The following SLC14A2 variants were observed in gnomAD, a reference collection of about 807,000 sequenced individuals.
The protein encoded by SLC14A2 is urea transporter 2.
In SLC14A2, 91 loss-of-function variants were observed where a neutral mutation model predicts 104.6. The observed-to-expected ratio is 0.87, with a 90% CI of 0.73 to 1.04. The LOEUF (loss-of-function observed/expected upper bound fraction) is 1.04, where lower values mean the gene tolerates loss of function less well. Among genes scored for constraint, SLC14A2 ranks in the 50% least tolerant of loss-of-function variants. The pLI is 0.00. For missense variants in SLC14A2, 1,189 were observed against 1,156.0 expected (o/e 1.03, Z -0.41); for synonymous variants, 476 against 466.4 (o/e 1.02, Z -0.27).
chr18:45,545,666 T>C (rs2043958609), intron 2 of SLC14A2, among the ~76,000 whole-genome samples: 1 of 152,244 alleles, frequency 6.6e-6, no homozygotes, highest in South Asian at 2.1e-4. Context: ...TAGATCATGC[T>C]ACACTTGGTA....
chr18:45,641,062 C>T (rs896479071), intron 7 of SLC14A2, 147 bp from the exon 8 acceptor site: 1 of 719,546 alleles, frequency 1.4e-6, no homozygotes, highest in African/African-American at 1.8e-5. Flanking sequence ...GACCGGATGC[C>T]ATTTGTAGAG....
chr18:45,296,980 G>A (rs1475479245), intron 1 of SLC14A2, among the ~76,000 whole-genome samples: 3 of 152,176 alleles, frequency 2.0e-5, no homozygotes, highest in African/African-American at 4.8e-5. Flanking sequence ...GAAGCCAGAT[G>A]TGAGACCCTC....
intron 1 of SLC14A2, among the ~76,000 whole-genome samples, chr18:45,351,406 G>A (rs909320353): frequency 6.6e-6 from 1 of 152,098 alleles, no homozygotes; most frequent in Non-Finnish European, 1.5e-5. Context: ...TCCAACTGGT[G>A]TTCAGTGGTG....
Position 45,412,553 on chromosome 18 carries a change from C to T in SLC14A2, c.-124-70680C>T, listed in dbSNP as rs967130811. Reference sequence around the variant, plus strand: ...TAGAGCCAGCCCAGAACCTCACCCCCCAGAGGAATCATCTGCTTCTCCTCA... The same window carrying T: ...TAGAGCCAGCCCAGAACCTCACCCCTCAGAGGAATCATCTGCTTCTCCTCA... On this transcript the variant is annotated intron_variant, in intron 1 of 20. Transcript: ENST00000586448. 5.9e-5 allele frequency among the ~76,000 whole-genome samples: 9 copies of T among 152,148 alleles called. No homozygotes were observed. In the South Asian group the frequency reaches 6.2e-4, roughly 10 times the overall value.
chr18:45,414,318 T>G (rs1346145158), intron 1 of SLC14A2, among the ~76,000 whole-genome samples: 2 of 152,170 alleles, frequency 1.3e-5, no homozygotes, highest in African/African-American at 4.8e-5. Context: ...CCTTGGGTGA[T>G]TCTCAGCTGG....
At chr18:45,381,591 T>C (rs1430196025) in intron 1 of SLC14A2, among the ~76,000 whole-genome samples, 1 of 152,232 alleles carries the variant, frequency 6.6e-6, no homozygotes, top group Non-Finnish European at 1.5e-5. Context: ...GTCTTGGGCA[T>C]AGTTTTTGTT....
intron 1 of SLC14A2, among the ~76,000 whole-genome samples, chr18:45,331,690 C>CAAA (rs11348476): frequency 2.3e-5 from 2 of 87,458 alleles, no homozygotes; most frequent in African/African-American, 3.9e-5. Context: ...GACTCCGTCT[C>CAAA]AAAAAAAAAA....
intron 2 of SLC14A2, among the ~76,000 whole-genome samples, chr18:45,557,418 T>A (rs2044147843): frequency 6.6e-6 from 1 of 152,210 alleles, no homozygotes; most frequent in African/African-American, 2.4e-5. Context: ...GTGTGTAAGT[T>A]GCATTTATTT....
In SLC14A2 at chr18:45,609,850, C is replaced by A. The variant is rs552146943; in HGVS notation, c.-34-14781C>A. On this transcript the variant is annotated intron_variant, in intron 2 of 20. Coordinates refer to the SLC14A2 transcript ENST00000586448. Reference sequence around the variant, plus strand: ...AACCCTGAGCAGGCTGCTTAGGAAGCAGTGATTTAAATTCCACTGGCCAAG... The same window carrying A: ...AACCCTGAGCAGGCTGCTTAGGAAGAAGTGATTTAAATTCCACTGGCCAAG... Among the ~76,000 whole-genome samples the A allele has an allele frequency of 2.5e-3, 388 of 152,282 alleles. 3 individuals are homozygous for A. Among genetic ancestry groups the A allele is most frequent in the African/African-American group, 9.0e-3 (372 of 41,546 alleles).
At chr18:45,323,232 C>T (rs887410267) in intron 1 of SLC14A2, among the ~76,000 whole-genome samples, 5 of 152,206 alleles carry the variant, frequency 3.3e-5, no homozygotes, top group African/African-American at 9.6e-5. Context: ...GGAACAATAA[C>T]CTCAGTAAAC....
chr18:45,586,904 C>A (rs1345135313), intron 2 of SLC14A2, among the ~76,000 whole-genome samples: 1 of 152,072 alleles, frequency 6.6e-6, no homozygotes, highest in African/African-American at 2.4e-5. Flanking sequence ...GCCCCTTTCC[C>A]TATCAATTTA....
Position 45,593,940 on chromosome 18 carries a change from C to T in SLC14A2, c.-34-30691C>T, listed in dbSNP as rs149716310. 6.6e-5 allele frequency among the ~76,000 whole-genome samples: 10 copies of T among 152,306 alleles called. No individual in the cohort carries two copies. The East Asian group carries it at 1.9e-3, about 29-fold the overall frequency. ...TCCCCCACTTCTGGCCAGACCGTCA[C>T]CCCTAAGCTCCTTCAGTAAAAATTT... On this transcript the variant is annotated intron_variant, in intron 2 of 20. Coordinates refer to the SLC14A2 transcript ENST00000586448.
At chr18:45,668,991 T>C (rs2046081066) in intron 15 of SLC14A2, among the ~76,000 whole-genome samples, 1 of 152,166 alleles carries the variant, frequency 6.6e-6, no homozygotes, top group South Asian at 2.1e-4. Flanking sequence ...AAAAAACATT[T>C]GTTGAATGAA....
intron 1 of SLC14A2, among the ~76,000 whole-genome samples, chr18:45,433,265 T>C (rs1011226182): frequency 6.6e-6 from 1 of 152,182 alleles, no homozygotes; most frequent in African/African-American, 2.4e-5. Flanking sequence ...GTTGTGAAGG[T>C]TAAATGCAAC....
At chr18:45,414,757 A>AATATATAT (rs71177674) in intron 1 of SLC14A2, among the ~76,000 whole-genome samples, 20 of 76,070 alleles carry the variant, frequency 2.6e-4, no homozygotes, top group East Asian at 1.1e-3. Context: ...AAAAAAAAAA[A>AATATATAT]ATATATATAT....
chr18:45,190,409 T>A, the SLC14A2 span, among the ~76,000 whole-genome samples: 1 of 152,210 alleles, frequency 6.6e-6, no homozygotes, highest in Non-Finnish European at 1.5e-5. Context: ...CTGGAGTAGA[T>A]GTTAAAAACA....
chr18:45,240,952 C>G (rs1346238330), intron 1 of SLC14A2, among the ~76,000 whole-genome samples: 1 of 152,184 alleles, frequency 6.6e-6, no homozygotes, highest in Non-Finnish European at 1.5e-5. Context: ...GCCACCGCGC[C>G]CAGCTTCATG....
At chr18:45,305,118 G>T (rs2085005602) in intron 1 of SLC14A2, among the ~76,000 whole-genome samples, 1 of 152,166 alleles carries the variant, frequency 6.6e-6, no homozygotes, top group Admixed American at 6.5e-5. Context: ...AAAACTAATG[G>T]GATGGGGCTG....
chr18:45,586,997 A>T (rs2044575586), intron 2 of SLC14A2, among the ~76,000 whole-genome samples: 1 of 151,822 alleles, frequency 6.6e-6, no homozygotes, highest in South Asian at 2.1e-4. Flanking sequence ...ATTTTAAATT[A>T]TTTTTTTTGA....
Sources: gnomAD v4.1 joint callset for allele counts (sites outside exome capture counted in the v4.1 genomes callset) on GRCh38, gnomAD v4.1.1 for gene constraint, MANE v1.5 for transcripts, NCBI Gene and HGNC (gene_info 2026-07-23, HGNC 2026-07-21) for gene names.